Variants in MANBA observed in about 807,000 individuals in gnomAD.
MANBA encodes beta-mannosidase.
A neutral mutation model predicts 111.1 loss-of-function variants in MANBA; 83 were observed. The ratio of observed to expected loss-of-function variants is 0.75; its 90% CI spans 0.63 to 0.90. MANBA has a LOEUF of 0.90. Among genes scored for constraint, MANBA ranks in the 40% least tolerant of loss-of-function variants. The pLI is 0.00. For synonymous variants in MANBA, 370 were observed against 378.7 expected (o/e 0.98, Z 0.27); for missense variants, 1,036 against 1,069.0 (o/e 0.97, Z 0.43).
At chr4:102,726,502 AAAC>A in intron 2 of MANBA, 84 bp downstream of exon 2, 1 of 784,352 alleles carries the variant, frequency 1.3e-6, no homozygotes, top group Non-Finnish European at 2.2e-6. Flanking sequence ...AACAAAAAAA[AAAC>A]AAACAAAACA....
chr4:102,703,685 C>T (rs1733165209), intron 5 of MANBA, among the ~76,000 whole-genome samples: 1 of 152,200 alleles, frequency 6.6e-6, no homozygotes, highest in African/African-American at 2.4e-5. Context: ...TCTGCCATCC[C>T]ACTCAGGAAA....
chr4:102,671,006 G>T, intron 9 of MANBA: 1 of 255,900 alleles, frequency 3.9e-6, no homozygotes, highest in Non-Finnish European at 7.6e-6. Context: ...TCTTTTATAT[G>T]CATACCTAAA....
intron 1 of MANBA, chr4:102,752,073 T>C (rs1578961537): frequency 1.3e-6 from 1 of 759,238 alleles, no homozygotes; most frequent in East Asian, 2.5e-5. Flanking sequence ...AAGAAGAAGA[T>C]GAAATGGAGG....
At chr4:102,655,833 A>T (rs1730534919) in intron 12 of MANBA, among the ~76,000 whole-genome samples, 1 of 152,256 alleles carries the variant, frequency 6.6e-6, no homozygotes, top group African/African-American at 2.4e-5. Flanking sequence ...TGATACCATC[A>T]AAGTGAATAA....
chr4:102,713,060 AT>A (rs1722151253), intron 5 of MANBA, among the ~76,000 whole-genome samples: 1 of 152,230 alleles, frequency 6.6e-6, no homozygotes, highest in South Asian at 2.1e-4. Flanking sequence ...AAGTTTAAAA[AT>A]ACCAACAGCA....
At chr4:102,730,623 G>T in intron 1 of MANBA, 1 of 541,940 alleles carries the variant, frequency 1.8e-6, no homozygotes, top group Non-Finnish European at 3.7e-6. Context: ...TGCCATTGCT[G>T]TCTGAGGCCG....
Position 102,703,437 on chromosome 4 carries a change from AC to A in MANBA, c.673+11000del, listed in dbSNP as rs530986453. On this transcript the variant is annotated intron_variant, in intron 5 of 16. Transcript: ENST00000647097. ...TGGATAGCAGCCCTTTCCCGAAAAGACCCCTTCTTGCCTGGGGACGAGTCTG... is the reference window on the plus strand; with the variant it reads ...TGGATAGCAGCCCTTTCCCGAAAAGACCCTTCTTGCCTGGGGACGAGTCTG... 1.3e-3 allele frequency among the ~76,000 whole-genome samples: 205 copies of A among 152,278 alleles called. 1 individual carries two copies. The highest frequency in any genetic ancestry group is 4.8e-3 in the African/African-American group (198 of 41,566).
chr4:102,708,471 A>G (rs1733403167), intron 5 of MANBA, among the ~76,000 whole-genome samples: 1 of 152,156 alleles, frequency 6.6e-6, no homozygotes, highest in African/African-American at 2.4e-5. Flanking sequence ...TTGAAGCACA[A>G]CATATTAAAA....
chr4:102,674,473 T>C (rs1731634117), intron 7 of MANBA, among the ~76,000 whole-genome samples: 1 of 152,246 alleles, frequency 6.6e-6, no homozygotes, highest in South Asian at 2.1e-4. Flanking sequence ...TAGCCAAACA[T>C]GCATCTTAGA....
At chr4:102,647,934 AAGAT>A (rs1301884045) in intron 13 of MANBA, among the ~76,000 whole-genome samples, 2 of 152,076 alleles carry the variant, frequency 1.3e-5, no homozygotes, top group Non-Finnish European at 2.9e-5. Context: ...TTTAGATACT[AAGAT>A]AGGAAAATTT....
chr4:102,700,922 T>C (rs1733002593), intron 5 of MANBA, among the ~76,000 whole-genome samples: 1 of 152,062 alleles, frequency 6.6e-6, no homozygotes. Flanking sequence ...CTTGTTAACT[T>C]TCTGTCTCGT....
intron 1 of MANBA, chr4:102,752,456 T>C: frequency 1.3e-6 from 1 of 774,820 alleles, no homozygotes; most frequent in South Asian, 1.3e-5. Flanking sequence ...CAGCAACTGA[T>C]TTCAGGATCT....
At chr4:102,657,245 A>C (rs1730606637) in intron 12 of MANBA, among the ~76,000 whole-genome samples, 1 of 127,940 alleles carries the variant, frequency 7.8e-6, no homozygotes, top group South Asian at 2.6e-4. Context: ...GGCGGTGGTA[A>C]TGGAATAGGA....
At chr4:102,739,506 A>T (rs1182439348) in intron 1 of MANBA, among the ~76,000 whole-genome samples, 1 of 152,288 alleles carries the variant, frequency 6.6e-6, no homozygotes, top group Admixed American at 6.5e-5. Flanking sequence ...ACATACAAAA[A>T]CTACAGACCA....
chr4:102,639,820 A>G lies in MANBA; in HGVS notation c.1907T>C (p.Phe636Ser). Residue 636 changes from phenylalanine (F) to serine (S), a missense_variant, in exon 14 of 17, where the codon TTC becomes TCC. Transcript: ENST00000647097. ...TATCTCGCTGCGACTACGGCGGTAG[A>G]ATTCAGTTTCTGTTTTGACACACTG... ...QAQCVKTETE[F>S]YRRSRSEIVD... 2.5e-6 allele frequency: 4 copies of G among 1,614,090 alleles called. No individual in the cohort carries two copies. The highest frequency in any genetic ancestry group is 3.4e-6 in the Non-Finnish European group (4 of 1,179,996).
At position 102,634,841 on chromosome 4, in the gene MANBA, G is replaced by C. The variant is rs761437319; in HGVS notation, c.2362C>G (p.His788Asp). 3 of 1,614,200 alleles carry C rather than the reference G, an allele frequency of 1.9e-6. No individual in the cohort carries two copies. The South Asian group carries it at 3.3e-5, about 18-fold the overall frequency. The change falls in exon 16 of 17, where the codon CAC (histidine) becomes GAC (aspartate). Residue 788 changes from histidine (H) to aspartate (D), a missense_variant. Physicochemically the swap from His to Asp is moderately conservative, Grantham distance 81. Transcript: ENST00000647097. ...GCCTCCTTCGGTGAGGACAAGAAGT[G>C]GTAGTTGGTCGGGCTCAGGAGTTCA... is the stretch of plus-strand genomic sequence containing the variant. ...DHELLSPTNYHFLSSPKEAVG... is the reference protein window; with the variant it reads ...DHELLSPTNYDFLSSPKEAVG...
chr4:102,632,149 T>A lies in MANBA; in HGVS notation c.2548A>T (p.Thr850Ser). The change falls in exon 17 of 17, where the codon ACA (threonine) becomes TCA (serine). Residue 850 changes from threonine (T) to serine (S), a missense_variant. Thr to Ser is a moderately conservative substitution (Grantham distance 58). Coordinates refer to ENST00000647097, the MANE Select transcript of MANBA (RefSeq NM_005908.4). The part of the protein sequence containing the change: ...SDNGFLMTEK[T>S]RTILFYPWEP... ...CAAGGGTAAAATAATATAGTTCGTG[T>A]CTTCTCAGTCATGAGGAAACCATTG... is the stretch of plus-strand genomic sequence containing the variant. 6.2e-7 allele frequency: 1 copy of A among 1,613,566 alleles called. No individual in the cohort carries two copies. The highest frequency in any genetic ancestry group is 2.2e-5 in the East Asian group (1 of 44,888).
intron 1 of MANBA, chr4:102,727,462 A>T (rs1722853837): frequency 6.8e-7 from 1 of 1,473,830 alleles, no homozygotes; most frequent in African/African-American, 1.4e-5. Context: ...AGAGCACTCC[A>T]TCTTCAAGGT....
intron 5 of MANBA, among the ~76,000 whole-genome samples, chr4:102,699,979 A>G (rs1732939339): frequency 2.0e-5 from 3 of 151,628 alleles, no homozygotes; most frequent in Admixed American, 1.3e-4. Context: ...CTGTAAATCC[A>G]TCTGGTCCTG....
Sources: allele counts gnomAD v4.1 joint callset (sites outside exome capture counted in the v4.1 genomes callset), GRCh38; gene constraint gnomAD v4.1.1; transcripts MANE v1.5; gene names NCBI Gene and HGNC (gene_info 2026-07-23, HGNC 2026-07-21).